AMPD1: variants seen among roughly 807,000 people sequenced by gnomAD.
The protein encoded by AMPD1 is AMP deaminase 1.
AMPD1 carries 74 observed loss-of-function variants against 82.9 expected under a neutral mutation model. The ratio of observed to expected loss-of-function variants is 0.89; its 90% CI spans 0.74 to 1.08. AMPD1 has a LOEUF of 1.08. AMPD1 is among the 50% of genes least tolerant of loss of function. The pLI, the probability that AMPD1 is intolerant of heterozygous loss-of-function variation, is 0.00. For synonymous variants in AMPD1, 333 were observed against 320.5 expected (o/e 1.04, Z -0.42); for missense variants, 881 against 924.5 (o/e 0.95, Z 0.61).
At chr1:114,691,220 A>C (rs1658506225) in intron 2 of AMPD1, among the ~76,000 whole-genome samples, 1 of 152,082 alleles carries the variant, frequency 6.6e-6, no homozygotes, top group Non-Finnish European at 1.5e-5. Flanking sequence ...CCACAGCTGA[A>C]ATTTGACTCT....
intron 7 of AMPD1, among the ~76,000 whole-genome samples, 156 bp from the exon 8 acceptor site, chr1:114,678,683 A>G (rs1445366471): frequency 1.2e-4 from 18 of 152,230 alleles, no homozygotes; most frequent in Admixed American, 1.2e-3. Context: ...GCAATAAAAA[A>G]TCCATTACAA....
chr1:114,694,663 G>T (rs1235318471), intron 1 of AMPD1, among the ~76,000 whole-genome samples: 1 of 152,010 alleles, frequency 6.6e-6, no homozygotes, highest in Non-Finnish European at 1.5e-5. Flanking sequence ...GGGCAACATA[G>T]CGAAACCCTG....
intron 4 of AMPD1, among the ~76,000 whole-genome samples, chr1:114,685,552 T>G (rs1028230876): frequency 6.6e-6 from 1 of 152,174 alleles, no homozygotes; most frequent in Non-Finnish European, 1.5e-5. Flanking sequence ...TAGAGAAACA[T>G]ACTTCGTTTT....
rs771446203 is a variant in AMPD1 at position 114,684,203 on chromosome 1, A to G, written c.543T>C (p.Tyr181=). ...GEAWVANESF[Y]PVFTPPVKKG... ...ATTATGTAAGAGAATTGTTACCTGGATAGAAGCTCTCATTTGCTACCCAAG... is the reference window on the plus strand; with the variant it reads ...ATTATGTAAGAGAATTGTTACCTGGGTAGAAGCTCTCATTTGCTACCCAAG... The change falls in exon 5 of 16, where the codon TAT becomes TAC. Residue 181 remains tyrosine (Y), a synonymous_variant. Transcript: ENST00000520113. 2 of 1,614,168 alleles carry G rather than the reference A, an allele frequency of 1.2e-6. No homozygotes were observed. Among genetic ancestry groups the G allele is most frequent in the Non-Finnish European group, 1.7e-6 (2 of 1,180,008 alleles).
At chr1:114,691,329 G>A (rs1161556267) in intron 2 of AMPD1, among the ~76,000 whole-genome samples, 2 of 151,728 alleles carry the variant, frequency 1.3e-5, no homozygotes, top group African/African-American at 4.8e-5. Flanking sequence ...TGAGGTGGGA[G>A]GATTGCTTGA....
At chr1:114,685,563 T>C (rs1658290115) in intron 4 of AMPD1, among the ~76,000 whole-genome samples, 1 of 152,178 alleles carries the variant, frequency 6.6e-6, no homozygotes, top group Non-Finnish European at 1.5e-5. Context: ...ACTTCGTTTT[T>C]CCCAGTCTCC....
intron 5 of AMPD1, among the ~76,000 whole-genome samples, chr1:114,680,873 C>T (rs982658776): frequency 6.6e-6 from 1 of 151,946 alleles, no homozygotes; most frequent in African/African-American, 2.4e-5. Context: ...GAGGCTGAGG[C>T]GAGAGAATCA....
intron 2 of AMPD1, 135 bp downstream of exon 2, chr1:114,693,301 G>T (rs1458054086): frequency 2.3e-6 from 2 of 883,642 alleles, no homozygotes; most frequent in Non-Finnish European, 3.7e-6. Context: ...TGGTCATTAT[G>T]AATCTTTGTT....
chr1:114,678,456 G>C lies in AMPD1; in HGVS notation c.969C>G (p.Tyr323Ter), dbSNP rs1658064430. The C allele has an allele frequency of 4.3e-6, 7 of 1,614,146 alleles. No homozygotes were observed. Among genetic ancestry groups the C allele is most frequent in the Non-Finnish European group, 5.1e-6 (6 of 1,180,022 alleles). The change falls in exon 8 of 16, where the codon TAC becomes TAG. Residue 323 changes from tyrosine (Y) to a stop codon, truncating the protein, a stop_gained. Coordinates refer to ENST00000520113, the MANE Select transcript of AMPD1 (RefSeq NM_000036.3). LOFTEE classifies it high-confidence loss of function. ...AGACCACTCTGTCAGCATCAATTTG[G>C]TAAGATTTCTTAATAAAACGCAGCA... is the stretch of plus-strand genomic sequence containing the variant. ...KHLLRFIKKS[Y>*]QIDADRVVYS... is the part of the protein sequence containing the mutation.
At position 114,688,672 on chromosome 1, in the gene AMPD1, C is replaced by A. The variant is rs147972392; in HGVS notation, c.104G>T (p.Arg35Leu). The change falls in exon 3 of 16, where the codon CGT becomes CTT. Residue 35 changes from arginine (R) to leucine (L), a missense_variant. This residue lies in a region of AMPD1 where 783 missense variants were observed against 786.4 expected (regional missense o/e 1.00). Transcript: ENST00000520113. ...CACATCAAAGGGGGAAATCTCCTGA[C>A]GACCTCCTTCATCTTTGACTTCAGA... ...FASEVKDEGG[R>L]QEISPFDVDE... is the part of the protein sequence containing the mutation. 6.1e-5 allele frequency: 98 copies of A among 1,614,062 alleles called. No individual in the cohort carries two copies. The highest frequency in any genetic ancestry group is 1.2e-4 in the Admixed American group (7 of 59,998).
intron 10 of AMPD1, among the ~76,000 whole-genome samples, chr1:114,676,455 A>G (rs954309769): frequency 6.6e-6 from 1 of 152,220 alleles, no homozygotes; most frequent in Non-Finnish European, 1.5e-5. Context: ...AGCTAATGTA[A>G]TCCTCATAAC....
chr1:114,679,523 T>G (rs544323538), intron 7 of AMPD1, 56 bp downstream of exon 7: 2 of 1,603,988 alleles, frequency 1.2e-6, no homozygotes, highest in Non-Finnish European at 1.7e-6. Context: ...TGCTTCTCAA[T>G]AAATAATTGA....
chr1:114,695,237 T>C (rs1034974434), intron 1 of AMPD1, among the ~76,000 whole-genome samples: 1 of 152,140 alleles, frequency 6.6e-6, no homozygotes, highest in East Asian at 1.9e-4. Context: ...GCAATATACA[T>C]GATAACAGTT....
chr1:114,678,401 T>C lies in AMPD1; in HGVS notation c.1024A>G (p.Lys342Glu). 6.2e-7 allele frequency: 1 copy of C among 1,614,138 alleles called. No individual in the cohort carries two copies. The highest frequency in any genetic ancestry group is 1.1e-5 in the South Asian group (1 of 91,084). The change falls in exon 8 of 16, where the codon AAG (lysine) becomes GAG (glutamate). Residue 342 changes from lysine to glutamate, a missense_variant. Lys to Glu is a moderately conservative substitution (Grantham distance 56). Transcript: ENST00000520113. ...YSTKEKNLTLKELFAKLKMHP... is the reference protein window; with the variant it reads ...YSTKEKNLTLEELFAKLKMHP... ...ATTTTTAATTTAGCAAAAAGTTCCT[T>C]TAGGGTCAGATTCTTCTCTTTGGTG...
intron 10 of AMPD1, 177 bp from the exon 11 acceptor site, chr1:114,676,180 G>A: frequency 1.3e-6 from 1 of 742,102 alleles, no homozygotes; most frequent in South Asian, 1.8e-5. Flanking sequence ...ATTCAGTTTG[G>A]GCAGCACATA....
At chr1:114,679,033 C>G (rs543399380) in intron 7 of AMPD1, among the ~76,000 whole-genome samples, 1 of 152,206 alleles carries the variant, frequency 6.6e-6, no homozygotes, top group Non-Finnish European at 1.5e-5. Context: ...TGAATCTCTG[C>G]TCATATATTT....
At chr1:114,694,145 G>A (rs1280525478) in intron 1 of AMPD1, among the ~76,000 whole-genome samples, 1 of 152,078 alleles carries the variant, frequency 6.6e-6, no homozygotes, top group African/African-American at 2.4e-5. Context: ...GAACCCGGGA[G>A]GTGGAGCTTG....
chr1:114,684,904 G>A (rs895355809), intron 4 of AMPD1, among the ~76,000 whole-genome samples: 1 of 152,194 alleles, frequency 6.6e-6, no homozygotes, highest in African/African-American at 2.4e-5. Context: ...TGAGAAGTTA[G>A]TCGTTTAGAT....
At chr1:114,682,751 T>A (rs1284442272) in intron 5 of AMPD1, among the ~76,000 whole-genome samples, 5 of 152,134 alleles carry the variant, frequency 3.3e-5, no homozygotes, top group Non-Finnish European at 7.3e-5. Flanking sequence ...GCTAATTTTT[T>A]GTATTTTTAG....
Sources: gnomAD v4.1 joint callset for allele counts (sites outside exome capture counted in the v4.1 genomes callset) on GRCh38, gnomAD v4.1.1 for gene constraint, gnomAD v4.1.1 regional missense constraint, MANE v1.5 for transcripts, NCBI Gene and HGNC (gene_info 2026-07-23, HGNC 2026-07-21) for gene names.